Variants in BMPR1A observed in about 807,000 individuals in gnomAD.
BMPR1A encodes bone morphogenetic protein receptor type-1A.
A neutral mutation model predicts 66.0 loss-of-function variants in BMPR1A; 7 were observed. The observed-to-expected ratio is 0.11, with a 90% confidence interval of 0.06 to 0.20. The LOEUF (loss-of-function observed/expected upper bound fraction) is 0.20. Among genes scored for constraint, BMPR1A ranks in the 10% least tolerant of loss-of-function variants. The pLI is 1.00. For missense variants in BMPR1A, 408 were observed against 669.1 expected (o/e 0.61, Z 4.31); for synonymous variants, 200 against 229.7 (o/e 0.87, Z 1.17).
chr10:86,857,726 C>G (rs542935028), intron 2 of BMPR1A, among the ~76,000 whole-genome samples: 2 of 147,816 alleles, frequency 1.4e-5, no homozygotes, highest in Non-Finnish European at 3.0e-5. Flanking sequence ...ACTGTGACAG[C>G]TGGCTTTCTC....
intron 3 of BMPR1A, among the ~76,000 whole-genome samples, chr10:86,887,474 A>G (rs916339612): frequency 6.6e-6 from 1 of 152,154 alleles, no homozygotes; most frequent in African/African-American, 2.4e-5. Context: ...TTTGTATACT[A>G]TTTTACATGT....
chr10:86,877,844 TCA>T (rs1267165129), intron 3 of BMPR1A, among the ~76,000 whole-genome samples: 12 of 152,192 alleles, frequency 7.9e-5, no homozygotes, highest in Non-Finnish European at 1.3e-4. Context: ...TCTGTTTAGA[TCA>T]CACGTAGGCA....
chr10:86,905,995 A>G (rs1410109231), intron 7 of BMPR1A, among the ~76,000 whole-genome samples: 1 of 152,166 alleles, frequency 6.6e-6, no homozygotes, highest in East Asian at 1.9e-4. Context: ...TTTTAGGTCC[A>G]AGTTTTCATT....
At chr10:86,771,039 G>A (rs1010882085) in intron 1 of BMPR1A, among the ~76,000 whole-genome samples, 2 of 151,980 alleles carry the variant, frequency 1.3e-5, no homozygotes, top group African/African-American at 4.8e-5. Flanking sequence ...TCTTCTCAGT[G>A]GCCTGTTTCC....
At chr10:86,806,322 C>A (rs1170717705) in intron 1 of BMPR1A, among the ~76,000 whole-genome samples, 1 of 152,036 alleles carries the variant, frequency 6.6e-6, no homozygotes, top group Non-Finnish European at 1.5e-5. Context: ...AACTTCAAGA[C>A]CACACAAATT....
chr10:86,860,163 G>A (rs1842694171), intron 2 of BMPR1A, among the ~76,000 whole-genome samples: 1 of 152,042 alleles, frequency 6.6e-6, no homozygotes, highest in Non-Finnish European at 1.5e-5. Flanking sequence ...AGAAGAAAAT[G>A]TTCATCAACG....
intron 1 of BMPR1A, among the ~76,000 whole-genome samples, chr10:86,769,780 G>A (rs1011214059): frequency 1.3e-5 from 2 of 152,208 alleles, no homozygotes; most frequent in African/African-American, 4.8e-5. Context: ...GCAGAAGATG[G>A]AATGGAGTAT....
intron 2 of BMPR1A, among the ~76,000 whole-genome samples, chr10:86,866,409 T>TTCTTTTTTC (rs1488500098): frequency 2.8e-4 from 29 of 103,102 alleles, no homozygotes; most frequent in Non-Finnish European, 4.7e-4. Context: ...CTTTTTTTTT[T>TTCTTTTTTC]TTTTTTTTTT....
intron 1 of BMPR1A, among the ~76,000 whole-genome samples, chr10:86,832,941 A>G (rs1179145187): frequency 6.6e-6 from 1 of 152,130 alleles, no homozygotes; most frequent in East Asian, 1.9e-4. Flanking sequence ...TCCTGTGATA[A>G]GTTTATATAT....
intron 7 of BMPR1A, among the ~76,000 whole-genome samples, chr10:86,906,508 AG>A (rs1388000765): frequency 2.4e-5 from 1 of 41,678 alleles, no homozygotes; most frequent in Non-Finnish European, 3.7e-5. Flanking sequence ...TCACGAGGCC[AG>A]GAGATCGAGA....
chr10:86,788,464 T>C (rs768200509), intron 1 of BMPR1A, among the ~76,000 whole-genome samples: 3 of 152,216 alleles, frequency 2.0e-5, no homozygotes, highest in Non-Finnish European at 4.4e-5. Flanking sequence ...GTCCAGACAT[T>C]GGTCTTAGGG....
At chr10:86,879,214 T>C (rs988835984) in intron 3 of BMPR1A, among the ~76,000 whole-genome samples, 4 of 152,284 alleles carry the variant, frequency 2.6e-5, no homozygotes, top group African/African-American at 9.6e-5. Flanking sequence ...AGACATCACA[T>C]GCAGATGAGG....
At chr10:86,780,722 A>G (rs1841424727) in intron 1 of BMPR1A, among the ~76,000 whole-genome samples, 1 of 150,852 alleles carries the variant, frequency 6.6e-6, no homozygotes, top group African/African-American at 2.4e-5. Context: ...CGTGAGCGTG[A>G]GCCACCACGC....
chr10:86,817,821 C>CA (rs1041722251), intron 1 of BMPR1A, among the ~76,000 whole-genome samples: 15 of 151,684 alleles, frequency 9.9e-5, no homozygotes, highest in East Asian at 3.9e-4. Flanking sequence ...TTTTCAAAAA[C>CA]AAAAAAAACT....
At chr10:86,867,119 T>G (rs1342790276) in intron 2 of BMPR1A, among the ~76,000 whole-genome samples, 2 of 152,154 alleles carry the variant, frequency 1.3e-5, no homozygotes, top group Non-Finnish European at 2.9e-5. Flanking sequence ...CACATTAAAC[T>G]GTTTTTTTCT....
At chr10:86,887,978 C>A (rs1466213514) in intron 3 of BMPR1A, among the ~76,000 whole-genome samples, 1 of 152,122 alleles carries the variant, frequency 6.6e-6, no homozygotes, top group African/African-American at 2.4e-5. Context: ...TCCTGCTTCC[C>A]CCACCCCATC....
At chr10:86,853,451 T>C (rs1470194140) in intron 2 of BMPR1A, among the ~76,000 whole-genome samples, 1 of 152,204 alleles carries the variant, frequency 6.6e-6, no homozygotes, top group East Asian at 1.9e-4. Flanking sequence ...ATCTGTAAAA[T>C]AGTAATGCCA....
chr10:86,821,132 G>A (rs897138522), intron 1 of BMPR1A, among the ~76,000 whole-genome samples: 7 of 152,114 alleles, frequency 4.6e-5, no homozygotes, highest in Non-Finnish European at 7.4e-5. Flanking sequence ...ACTTATTCTC[G>A]TGTGGCATAA....
At position 86,919,428 on chromosome 10, in the gene BMPR1A, T is replaced by C; in HGVS notation, c.1125T>C (p.Ser375=). The change falls in exon 10 of 13, where the codon AGT becomes AGC. Residue 375 remains serine (S), a synonymous_variant. Transcript: ENST00000372037. ...SKNILIKKNG[S]CCIADLGLAV... The stretch of plus-strand genomic sequence containing the variant: ...ACATCCTCATCAAGAAAAATGGGAG[T>C]TGCTGCATTGCTGACCTGGGCCTTG... 6.2e-7 allele frequency: 1 copy of C among 1,613,230 alleles called. No individual in the cohort carries two copies. The highest frequency in any genetic ancestry group is 8.5e-7 in the Non-Finnish European group (1 of 1,179,832).
Sources: allele counts gnomAD v4.1 joint callset (sites outside exome capture counted in the v4.1 genomes callset), GRCh38; gene constraint gnomAD v4.1.1; transcripts MANE v1.5; gene names NCBI Gene and HGNC (gene_info 2026-07-23, HGNC 2026-07-21).